Variants in UBR1 observed in about 807,000 individuals in gnomAD.
UBR1 encodes ubiquitin protein ligase E3 component n-recognin 1.
Under a neutral mutation model 242.1 loss-of-function variants are expected in UBR1, and 102 were observed. The observed-to-expected ratio is 0.42, with a 90% CI of 0.36 to 0.50. UBR1 has a LOEUF of 0.50. UBR1 is among the 20% of genes least tolerant of loss of function. The probability of loss-of-function intolerance (pLI) is 0.01; values close to 1 mark genes in which losing one functional copy is unlikely to be tolerated. For synonymous variants in UBR1, 675 were observed against 684.8 expected, an observed-to-expected ratio of 0.99 and a Z score of 0.22; for missense variants, 1,772 against 2,101.8, an observed-to-expected ratio of 0.84 and a Z score of 3.07.
At chr15:43,015,228 A>T (rs1372817233) in intron 29 of UBR1, among the ~76,000 whole-genome samples, 4 of 152,330 alleles carry the variant, frequency 2.6e-5, no homozygotes, top group Non-Finnish European at 4.4e-5. Context: ...AAAGATTGAG[A>T]AATCGGATGG....
chr15:42,961,981 G>T (rs540144188), intron 42 of UBR1, among the ~76,000 whole-genome samples: 64 of 149,616 alleles, frequency 4.3e-4, no homozygotes, highest in Middle Eastern at 3.6e-3. Flanking sequence ...GGCCAGGCTG[G>T]TCTCAAACTC....
At chr15:43,105,615 C>T (rs534246858) in intron 1 of UBR1, among the ~76,000 whole-genome samples, 12 of 152,288 alleles carry the variant, frequency 7.9e-5, no homozygotes, top group African/African-American at 2.4e-4. Flanking sequence ...AGTACTGCTT[C>T]TATACGAAAA....
chr15:43,047,305 G>A lies in UBR1; in HGVS notation c.1540-16C>T, dbSNP rs773223383. The A allele has an allele frequency of 6.2e-7, 1 of 1,613,856 alleles. No homozygotes were observed. The highest frequency in any genetic ancestry group is 8.5e-7 in the Non-Finnish European group (1 of 1,179,946). On this transcript the variant is annotated splice_polypyrimidine_tract_variant and intron_variant, in intron 13 of 46. Coordinates refer to ENST00000290650, the MANE Select transcript of UBR1 (RefSeq NM_174916.3). ...CTTCCATTCCCTGCAATTACAAGTT[G>A]GTCAACATACACCTATCTGAGCCCT...
At chr15:43,080,710 T>G (rs1229146435) in intron 3 of UBR1, among the ~76,000 whole-genome samples, 1 of 152,086 alleles carries the variant, frequency 6.6e-6, no homozygotes, top group Non-Finnish European at 1.5e-5. Context: ...ATCCCAGCAA[T>G]TTGGGAGGCC....
intron 35 of UBR1, among the ~76,000 whole-genome samples, chr15:42,985,916 G>C (rs1396953788): frequency 6.6e-6 from 1 of 150,510 alleles, no homozygotes; most frequent in Non-Finnish European, 1.5e-5. Flanking sequence ...CTGAGCCTGG[G>C]GAGGCTAAGG....
intron 3 of UBR1, among the ~76,000 whole-genome samples, chr15:43,078,496 C>G (rs536897914): frequency 6.6e-5 from 10 of 152,150 alleles, no homozygotes; most frequent in Non-Finnish European, 1.3e-4. Flanking sequence ...AAAAAGCAGC[C>G]CATATTCACA....
chr15:43,015,901 G>T (rs1308290226), intron 28 of UBR1, 32 bp from the exon 29 acceptor site: 1 of 1,601,986 alleles, frequency 6.2e-7, no homozygotes, highest in African/African-American at 1.3e-5. Context: ...ATTTAGGTAA[G>T]ATCCACTGTT....
chr15:43,030,211 C>T (rs1333664533), intron 20 of UBR1, 143 bp from the exon 21 acceptor site: 16 of 932,308 alleles, frequency 1.7e-5, no homozygotes, highest in Middle Eastern at 3.3e-4. Context: ...AATGTGTTCC[C>T]AAATCTGAAT....
chr15:43,029,125 G>GCGCGCGCACACACACACACACACACACA (rs750364868), intron 21 of UBR1, among the ~76,000 whole-genome samples: 6 of 150,956 alleles, frequency 4.0e-5, no homozygotes, highest in African/African-American at 1.5e-4. Context: ...ACACACACAC[G>GCGCGCGCACACACACACACACACACACA]CACACACACA....
intron 43 of UBR1, among the ~76,000 whole-genome samples, chr15:42,958,956 G>A (rs1368672587): frequency 6.6e-6 from 1 of 152,128 alleles, no homozygotes; most frequent in East Asian, 1.9e-4. Context: ...TCAGGCTCCT[G>A]AGTAGCTGGG....
Position 42,952,277 on chromosome 15 carries a change from C to T in UBR1, c.5006+1G>A. The T allele has an allele frequency of 6.2e-7, 1 of 1,614,208 alleles. No individual in the cohort carries two copies. The highest frequency in any genetic ancestry group is 8.5e-7 in the Non-Finnish European group (1 of 1,180,052). ...AAGCTTCCAGAACACTCACTACTCA[C>T]TTTAGGAAAATGCAGACTCCGGCTC... On this transcript the variant is annotated splice_donor_variant, in intron 45 of 46. Coordinates refer to ENST00000290650, the MANE Select transcript of UBR1 (RefSeq NM_174916.3). LOFTEE classifies it high-confidence loss of function.
At chr15:42,975,603 C>A (rs2032276342) in intron 39 of UBR1, among the ~76,000 whole-genome samples, 1 of 152,144 alleles carries the variant, frequency 6.6e-6, no homozygotes, top group Admixed American at 6.5e-5. Context: ...TCTGACATCA[C>A]TTTAATTATG....
intron 1 of UBR1, among the ~76,000 whole-genome samples, chr15:43,090,179 T>C (rs896634236): frequency 6.6e-6 from 1 of 152,190 alleles, no homozygotes; most frequent in African/African-American, 2.4e-5. Context: ...TTTACTAATA[T>C]GGAAAGGCAT....
intron 29 of UBR1, among the ~76,000 whole-genome samples, chr15:43,009,463 G>C (rs890026546): frequency 8.5e-5 from 13 of 152,246 alleles, no homozygotes; most frequent in African/African-American, 2.4e-4. Flanking sequence ...CCCTTGGCAG[G>C]CATGGGATCC....
intron 17 of UBR1, 48 bp downstream of exon 17, chr15:43,037,725 T>A (rs1275299770): frequency 1.3e-6 from 2 of 1,543,308 alleles, no homozygotes; most frequent in Non-Finnish European, 1.8e-6. Flanking sequence ...GAGAAAAAAA[T>A]TAGAAAATGA....
At chr15:42,948,206 G>A (rs2031769138) in intron 46 of UBR1, among the ~76,000 whole-genome samples, 1 of 152,268 alleles carries the variant, frequency 6.6e-6, no homozygotes, top group African/African-American at 2.4e-5. Flanking sequence ...AATAAATGGT[G>A]CTGGGAAAAC....
intron 2 of UBR1, among the ~76,000 whole-genome samples, chr15:43,083,209 A>G (rs1323782041): frequency 6.6e-6 from 1 of 152,172 alleles, no homozygotes; most frequent in African/African-American, 2.4e-5. Context: ...AACACCTGCA[A>G]TGATGCCTGG....
rs751074083 is a variant in UBR1 at position 43,048,489 on chromosome 15, T to C, written c.1442A>G (p.Tyr481Cys). The part of the protein sequence containing the change: ...RVYAVICDLK[Y>C]ILISKPTIWT... ...TATTGTGGGTTTGCTGATCAGGATATACCTATCGTTTCAAGAAAGAAAGAA... is the reference window on the plus strand; with the variant it reads ...TATTGTGGGTTTGCTGATCAGGATACACCTATCGTTTCAAGAAAGAAAGAA... The change falls in exon 13 of 47, where the codon TAT becomes TGT. Residue 481 changes from tyrosine (Y) to cysteine (C), a missense_variant and splice_region_variant. Tyr to Cys is a radical substitution (Grantham distance 194). Coordinates refer to ENST00000290650, the MANE Select transcript of UBR1 (RefSeq NM_174916.3). 1.2e-6 allele frequency: 2 copies of C among 1,607,896 alleles called. No individual in the cohort carries two copies. Among genetic ancestry groups the C allele is most frequent in the African/African-American group, 1.3e-5 (1 of 74,812 alleles).
In UBR1 at chr15:43,092,869, A is replaced by G. The variant is rs577827043; in HGVS notation, c.82-6629T>C. Among the ~76,000 whole-genome samples, 6 of 152,302 alleles carry G rather than the reference A, an allele frequency of 3.9e-5. No homozygotes were observed. In the East Asian group the frequency reaches 1.2e-3, roughly 29 times the overall value. ...GCCCAGCCTAGAATTTTTATGGGAA[A>G]TAAAGTTCAGTTACACTCTTCACAA... On this transcript the variant is annotated intron_variant, in intron 1 of 46. Transcript: ENST00000290650.
Sources: gnomAD v4.1 joint callset for allele counts (sites outside exome capture counted in the v4.1 genomes callset) on GRCh38, gnomAD v4.1.1 for gene constraint, MANE v1.5 for transcripts, NCBI Gene and HGNC (gene_info 2026-07-23, HGNC 2026-07-21) for gene names.